Variants in FBXL13 observed in about 807,000 individuals in gnomAD.
The protein encoded by FBXL13 is F-box and leucine-rich repeat protein 13.
Under a neutral mutation model 83.6 loss-of-function variants are expected in FBXL13, and 67 were observed. The ratio of observed to expected loss-of-function variants is 0.80; its 90% CI spans 0.66 to 0.98. FBXL13 has a LOEUF of 0.98. Ranked by LOEUF, FBXL13 falls within the 50% of genes least tolerant of loss-of-function variation. FBXL13 has a pLI of 0.00. For missense variants in FBXL13, 822 were observed against 866.5 expected (o/e 0.95, Z 0.64); for synonymous variants, 272 against 299.5 (o/e 0.91, Z 0.95).
intron 16 of FBXL13, among the ~76,000 whole-genome samples, chr7:102,873,551 T>C (rs2159022): frequency 0.21 from 32,647 of 152,206 alleles, 3,919 homozygotes; most frequent in East Asian, 0.43. Context: ...TTGGTCACTA[T>C]GCATCTGTGA....
intron 8 of FBXL13, among the ~76,000 whole-genome samples, chr7:102,948,350 C>T (rs563846234): frequency 3.3e-5 from 5 of 152,250 alleles, no homozygotes; most frequent in South Asian, 4.2e-4. Flanking sequence ...AGGACCACTG[C>T]GCCCGGCCAG....
At chr7:103,037,454 GT>G (rs201702192) in intron 2 of FBXL13, among the ~76,000 whole-genome samples, 1,677 of 151,682 alleles carry the variant, frequency 0.011, 35 homozygotes, top group African/African-American at 0.039. Flanking sequence ...ACATTTTAGG[GT>G]TTTTTTTACA....
At chr7:102,841,249 G>GTT (rs75520364) in intron 17 of FBXL13, among the ~76,000 whole-genome samples, 2 of 145,672 alleles carry the variant, frequency 1.4e-5, no homozygotes, top group African/African-American at 2.5e-5. Flanking sequence ...CAATCTGACA[G>GTT]TTTTTTTTTT....
intron 11 of FBXL13, among the ~76,000 whole-genome samples, chr7:102,912,034 C>T (rs1385008781): frequency 6.6e-6 from 1 of 152,150 alleles, no homozygotes; most frequent in Non-Finnish European, 1.5e-5. Context: ...ACCCATGCTG[C>T]CCCTGTATTT....
At chr7:102,914,143 C>T (rs1159383205) in intron 10 of FBXL13, among the ~76,000 whole-genome samples, 2 of 152,164 alleles carry the variant, frequency 1.3e-5, no homozygotes, top group Admixed American at 6.5e-5. Context: ...TCACTGCAAC[C>T]TCCTCCCCAC....
chr7:102,908,278 G>T (rs1223534778), intron 11 of FBXL13, among the ~76,000 whole-genome samples: 1 of 151,758 alleles, frequency 6.6e-6, no homozygotes, highest in Non-Finnish European at 1.5e-5. Context: ...CAATCTCTTT[G>T]TTAAATTTAT....
chr7:102,849,986 G>A (rs773262403), intron 17 of FBXL13, among the ~76,000 whole-genome samples: 1 of 151,184 alleles, frequency 6.6e-6, no homozygotes, highest in Admixed American at 6.6e-5. Flanking sequence ...TTCTGCACAT[G>A]TATCCTGTTT....
In FBXL13 at chr7:102,946,193, C is replaced by T. The variant is rs1822467128; in HGVS notation, c.725-14260G>A. ...CACACTCAGCCATGCACTTTTAAAG[C>T]ACATGCTACATGCCAGACACCATGC... On this transcript the variant is annotated intron_variant, in intron 8 of 19. Transcript: ENST00000313221. Among the ~76,000 whole-genome samples, 3 of 152,146 alleles carry T rather than the reference C, an allele frequency of 2.0e-5. No individual in the cohort carries two copies. In the East Asian group the frequency reaches 5.8e-4, roughly 29 times the overall value.
chr7:103,049,756 C>G (rs565538520), intron 2 of FBXL13, among the ~76,000 whole-genome samples: 3 of 152,242 alleles, frequency 2.0e-5, no homozygotes, highest in African/African-American at 7.2e-5. Flanking sequence ...TTTAAAATTT[C>G]TTATTACCCG....
chr7:102,987,874 G>A (rs910586879), intron 6 of FBXL13, among the ~76,000 whole-genome samples: 1 of 152,158 alleles, frequency 6.6e-6, no homozygotes, highest in Non-Finnish European at 1.5e-5. Context: ...AACACGCTAG[G>A]GGGTAGATGC....
At chr7:102,908,112 TTTTTA>T (rs1814040544) in intron 11 of FBXL13, among the ~76,000 whole-genome samples, 1 of 152,214 alleles carries the variant, frequency 6.6e-6, no homozygotes, top group South Asian at 2.1e-4. Context: ...GACTCATTCT[TTTTTA>T]TTTTGTCTCC....
intron 17 of FBXL13, among the ~76,000 whole-genome samples, chr7:102,833,596 C>CTTT (rs1225188712): frequency 7.2e-6 from 1 of 138,196 alleles, no homozygotes; most frequent in African/African-American, 2.6e-5. Flanking sequence ...CCGGCTAATT[C>CTTT]TTTTTTTTTT....
intron 16 of FBXL13, among the ~76,000 whole-genome samples, chr7:102,865,742 C>G (rs1563014169): frequency 6.6e-6 from 1 of 151,738 alleles, no homozygotes; most frequent in Admixed American, 6.6e-5. Context: ...GACGGGGTTT[C>G]ACCATGTTGG....
At chr7:102,994,845 A>G (rs577602717) in intron 6 of FBXL13, among the ~76,000 whole-genome samples, 1 of 152,230 alleles carries the variant, frequency 6.6e-6, no homozygotes, top group Admixed American at 6.5e-5. Flanking sequence ...AGCTATGACA[A>G]CCCCAAAGTT....
At chr7:102,949,720 A>G (rs1218820165) in intron 8 of FBXL13, among the ~76,000 whole-genome samples, 1 of 152,240 alleles carries the variant, frequency 6.6e-6, no homozygotes, top group Non-Finnish European at 1.5e-5. Context: ...TAGTTACAAA[A>G]TATTAAAAAT....
intron 6 of FBXL13, chr7:102,973,161 G>A (rs1408093197): frequency 5.5e-6 from 1 of 181,238 alleles, no homozygotes; most frequent in Non-Finnish European, 1.2e-5. Flanking sequence ...GAAGTAACGA[G>A]TAAAATGATG....
intron 6 of FBXL13, among the ~76,000 whole-genome samples, chr7:102,971,554 A>C (rs1826665267): frequency 7.0e-6 from 1 of 142,298 alleles, no homozygotes; most frequent in African/African-American, 2.6e-5. Flanking sequence ...AGATTGTGCC[A>C]TTGCACTCCA....
intron 14 of FBXL13, among the ~76,000 whole-genome samples, chr7:102,880,491 T>C (rs967107476): frequency 2.0e-5 from 3 of 152,170 alleles, no homozygotes; most frequent in African/African-American, 7.2e-5. Flanking sequence ...AAAAGTTAGG[T>C]TTTTTTCCCA....
Position 102,846,748 on chromosome 7 carries a change from G to GAAGCTTAAGAATCATTCCT in FBXL13, c.1719+8028_1719+8029insAGGAATGATTCTTAAGCTT, listed in dbSNP as rs61387388. ...AATAATACCCCAGTGTTGTACTAAG[G>GAAGCTTAAGAATCATTCCT]AAGCTTAATGGACATGACCAAAGTG... On this transcript the variant is annotated intron_variant, in intron 17 of 19. Transcript: ENST00000313221. 9.2e-5 allele frequency among the ~76,000 whole-genome samples: 14 copies of GAAGCTTAAGAATCATTCCT among 152,194 alleles called. 1 individual carries two copies. The highest frequency in any genetic ancestry group is 3.3e-4 in the Admixed American group (5 of 15,292).
Sources: allele counts gnomAD v4.1 joint callset (sites outside exome capture counted in the v4.1 genomes callset), GRCh38; gene constraint gnomAD v4.1.1; transcripts MANE v1.5; gene names NCBI Gene and HGNC (gene_info 2026-07-23, HGNC 2026-07-21).